The following REEP3 variants were observed in gnomAD, a reference collection of about 807,000 sequenced individuals.
REEP3 encodes receptor expression-enhancing protein 3.
Under a neutral mutation model 41.3 loss-of-function variants are expected in REEP3, and 20 were observed. The ratio of observed to expected loss-of-function variants is 0.48; its 90% CI spans 0.34 to 0.70. REEP3 has a LOEUF of 0.70. Ranked by LOEUF, REEP3 falls within the 30% of genes least tolerant of loss-of-function variation. The pLI, the probability that REEP3 is intolerant of heterozygous loss-of-function variation, is 0.01. For missense variants in REEP3, 271 were observed against 308.8 expected (o/e 0.88, Z 0.92); for synonymous variants, 104 against 101.8 (o/e 1.02, Z -0.13).
At chr10:63,570,291 CATG>C (rs570525883) in intron 2 of REEP3, among the ~76,000 whole-genome samples, 2 of 152,268 alleles carry the variant, frequency 1.3e-5, no homozygotes, top group South Asian at 2.1e-4. Flanking sequence ...AAACTATAAA[CATG>C]ATATGTATTG....
In REEP3 at chr10:63,611,826, G is replaced by A. The variant is rs568212871; in HGVS notation, c.565+1492G>A. ...TTAGCTGAGTATGGTGGTATTCACC[G>A]AGCTACTTGGGAGGCAGGTGGGAAA... On this transcript the variant is annotated intron_variant, in intron 6 of 7. Coordinates refer to ENST00000373758, the MANE Select transcript of REEP3 (RefSeq NM_001001330.3). Among the ~76,000 whole-genome samples the A allele has an allele frequency of 1.1e-4, 16 of 148,270 alleles. No individual in the cohort carries two copies. The East Asian group carries it at 2.0e-3, about 18-fold the overall frequency.
intron 5 of REEP3, among the ~76,000 whole-genome samples, chr10:63,609,451 C>CAA (rs376009971): frequency 1.4e-4 from 11 of 81,210 alleles, no homozygotes; most frequent in African/African-American, 1.8e-4. Context: ...GACTCTGTCT[C>CAA]AAAAAAAAAA....
chr10:63,545,680 GTTTTTTT>G (rs55779021), intron 1 of REEP3, among the ~76,000 whole-genome samples: 7 of 55,414 alleles, frequency 1.3e-4, no homozygotes, highest in African/African-American at 5.1e-4. Flanking sequence ...GCCAACTTCT[GTTTTTTT>G]TTTTTTTTTT....
At chr10:63,575,153 C>A (rs1955887574) in intron 2 of REEP3, among the ~76,000 whole-genome samples, 1 of 152,118 alleles carries the variant, frequency 6.6e-6, no homozygotes, top group Non-Finnish European at 1.5e-5. Context: ...CGCACCCAGA[C>A]CCCAAGAGGT....
chr10:63,602,797 C>G (rs193056663), intron 5 of REEP3, among the ~76,000 whole-genome samples: 7 of 152,142 alleles, frequency 4.6e-5, no homozygotes, highest in African/African-American at 1.7e-4. Flanking sequence ...TCTTACACTT[C>G]GCCTCCATTG....
chr10:63,521,706 C>G, intron 1 of REEP3, 129 bp downstream of exon 1: 3 of 560,196 alleles, frequency 5.4e-6, no homozygotes, highest in Non-Finnish European at 8.1e-6. Flanking sequence ...TCGGGCCTGC[C>G]GAGGGTCTGG....
At chr10:63,550,597 T>C (rs1955619115) in intron 1 of REEP3, among the ~76,000 whole-genome samples, 1 of 152,192 alleles carries the variant, frequency 6.6e-6, no homozygotes. Context: ...ATCCAGAGTC[T>C]AGGAGTTGGC....
chr10:63,601,922 A>C (rs1787062554), intron 5 of REEP3, among the ~76,000 whole-genome samples: 1 of 151,910 alleles, frequency 6.6e-6, no homozygotes, highest in Non-Finnish European at 1.5e-5. Flanking sequence ...ACTCCATCTC[A>C]AAAAATACTA....
At chr10:63,568,274 T>G (rs543238104) in intron 2 of REEP3, among the ~76,000 whole-genome samples, 4 of 151,714 alleles carry the variant, frequency 2.6e-5, no homozygotes, top group South Asian at 4.2e-4. Flanking sequence ...TGTTTGTTTT[T>G]TTTTTTTTTT....
chr10:63,610,259 C>T lies in REEP3; in HGVS notation c.490C>T (p.Pro164Ser). 2 of 1,596,282 alleles carry T rather than the reference C, an allele frequency of 1.3e-6. No homozygotes were observed. Among genetic ancestry groups the T allele is most frequent in the Non-Finnish European group, 1.7e-6 (2 of 1,170,192 alleles). The change falls in exon 6 of 8, where the codon CCT (proline) becomes TCT (serine). Residue 164 changes from proline to serine, a missense_variant. Transcript: ENST00000373758. ...HDLTTIQGDE[P>S]VGQRPYQPLP... ...TTTAACAACTATCCAAGGTGATGAGCCTGTGGGACAAAGACCATACCAACC... is the reference window on the plus strand; with the variant it reads ...TTTAACAACTATCCAAGGTGATGAGTCTGTGGGACAAAGACCATACCAACC...
chr10:63,612,473 G>T (rs1234469046), intron 6 of REEP3, among the ~76,000 whole-genome samples: 3 of 152,114 alleles, frequency 2.0e-5, no homozygotes, highest in African/African-American at 4.8e-5. Flanking sequence ...ACACTGCCTG[G>T]CCTTGGCATT....
chr10:63,543,571 C>T (rs1186563689), intron 1 of REEP3, among the ~76,000 whole-genome samples: 2 of 151,680 alleles, frequency 1.3e-5, no homozygotes, highest in African/African-American at 4.8e-5. Flanking sequence ...TTTCTTTTGT[C>T]ACATTTTCAT....
At chr10:63,574,320 T>G (rs1955878781) in intron 2 of REEP3, among the ~76,000 whole-genome samples, 1 of 152,168 alleles carries the variant, frequency 6.6e-6, no homozygotes, top group Non-Finnish European at 1.5e-5. Flanking sequence ...TATTCAATAT[T>G]TATATTATTT....
At chr10:63,530,827 T>C (rs181320756) in intron 1 of REEP3, among the ~76,000 whole-genome samples, 5 of 152,346 alleles carry the variant, frequency 3.3e-5, no homozygotes, top group African/African-American at 9.6e-5. Flanking sequence ...AAAGATGTTA[T>C]TGTTTTGATC....
chr10:63,610,252 T>C lies in REEP3; in HGVS notation c.483T>C (p.Gly161=). The change falls in exon 6 of 8, where the codon GGT becomes GGC. Residue 161 remains glycine (G), a synonymous_variant. Coordinates refer to ENST00000373758, the MANE Select transcript of REEP3 (RefSeq NM_001001330.3). ...FSMHDLTTIQ[G]DEPVGQRPYQ... Reference sequence around the variant, plus strand: ...TGCATGATTTAACAACTATCCAAGGTGATGAGCCTGTGGGACAAAGACCAT... The same window carrying C: ...TGCATGATTTAACAACTATCCAAGGCGATGAGCCTGTGGGACAAAGACCAT... 1 of 1,599,844 alleles carries C rather than the reference T, an allele frequency of 6.3e-7. No homozygotes were observed. Among genetic ancestry groups the C allele is most frequent in the Non-Finnish European group, 8.5e-7 (1 of 1,172,242 alleles).
chr10:63,528,345 T>C (rs1955386258), intron 1 of REEP3, among the ~76,000 whole-genome samples: 1 of 152,178 alleles, frequency 6.6e-6, no homozygotes, highest in African/African-American at 2.4e-5. Context: ...CTTGGGATCA[T>C]ACCATCCTTG....
At chr10:63,582,485 A>G (rs1478188609) in intron 2 of REEP3, among the ~76,000 whole-genome samples, 2 of 151,918 alleles carry the variant, frequency 1.3e-5, no homozygotes, top group Admixed American at 6.6e-5. Flanking sequence ...CACCTTTACT[A>G]CACTGTGTGC....
chr10:63,610,590 T>C (rs1956270431), intron 6 of REEP3, among the ~76,000 whole-genome samples: 1 of 152,064 alleles, frequency 6.6e-6, no homozygotes, highest in Non-Finnish European at 1.5e-5. Flanking sequence ...AAAATATATA[T>C]ATATACACGT....
At chr10:63,582,645 G>A (rs1194882718) in intron 2 of REEP3, among the ~76,000 whole-genome samples, 1 of 152,168 alleles carries the variant, frequency 6.6e-6, no homozygotes. Context: ...TAAGGCTATT[G>A]AGTAGGACTT....
Sources: allele counts gnomAD v4.1 joint callset (sites outside exome capture counted in the v4.1 genomes callset), GRCh38; gene constraint gnomAD v4.1.1; transcripts MANE v1.5; gene names NCBI Gene and HGNC (gene_info 2026-07-23, HGNC 2026-07-21).